The following OTUD7A variants were observed in gnomAD, a reference collection of about 807,000 sequenced individuals.
OTUD7A encodes the protein OTU deubiquitinase 7A, also known as OTU domain-containing protein 7A.
A neutral mutation model predicts 65.7 loss-of-function variants in OTUD7A; 12 were observed. The observed-to-expected ratio is 0.18, with a 90% CI of 0.12 to 0.30. The LOEUF (loss-of-function observed/expected upper bound fraction) is 0.30. Among genes scored for constraint, OTUD7A ranks in the 10% least tolerant of loss-of-function variants. The probability of loss-of-function intolerance (pLI) is 1.00; values close to 1 mark genes in which losing one functional copy is unlikely to be tolerated. For missense variants in OTUD7A, 1,148 were observed against 1,304.8 expected, an observed-to-expected ratio of 0.88 and a Z score of 1.85; for synonymous variants, 641 against 586.3, an observed-to-expected ratio of 1.09 and a Z score of -1.35.
At chr15:31,783,409 G>A (rs1484878485) in intron 1 of OTUD7A, among the ~76,000 whole-genome samples, 6 of 152,182 alleles carry the variant, frequency 3.9e-5, no homozygotes, top group East Asian at 1.9e-4. Flanking sequence ...TTTTCGCTGT[G>A]TTGACATTCA....
At chr15:31,674,788 C>T (rs1595701626) in intron 1 of OTUD7A, among the ~76,000 whole-genome samples, 1 of 152,154 alleles carries the variant, frequency 6.6e-6, no homozygotes, top group East Asian at 1.9e-4. Flanking sequence ...TGCCTTTTTC[C>T]CCTTCTTTCT....
intron 1 of OTUD7A, among the ~76,000 whole-genome samples, chr15:31,712,388 GCTCTCCTGGGAGC>G (rs1416549908): frequency 6.7e-6 from 1 of 148,758 alleles, no homozygotes; most frequent in Non-Finnish European, 1.5e-5. Context: ...AGGCTCAGCT[GCTCTCCTGGGAGC>G]CTCTTTGGAG....
rs763451500 is a variant in OTUD7A at position 31,526,435 on chromosome 15, C to T, written c.807G>A (p.Glu269=). The part of the protein sequence containing the change: ...KESGLVYTEE[E]WEREWTELLK... ...GCAGCTCCGTCCACTCCCGCTCCCA[C>T]TCCTCCTCTGTGTACACCAGCCCTG... The change falls in exon 8 of 13, where the codon GAG becomes GAA. Residue 269 remains glutamate (E), a synonymous_variant. Transcript: ENST00000307050. 6 of 1,601,636 alleles carry T rather than the reference C, an allele frequency of 3.7e-6. No individual in the cohort carries two copies. The South Asian group carries it at 4.4e-5, about 12-fold the overall frequency.
rs117705886 is a variant in OTUD7A at position 31,841,987 on chromosome 15, T to C, written c.-100+28520A>G. On this transcript the variant is annotated intron_variant, in intron 1 of 12. Transcript: ENST00000307050. Reference sequence around the variant, plus strand: ...CTCTAGAATGTCCAAAGCCATACTGTTCATAATAGCCCAAACTGGCGACCA... The same window carrying C: ...CTCTAGAATGTCCAAAGCCATACTGCTCATAATAGCCCAAACTGGCGACCA... Among the ~76,000 whole-genome samples the C allele has an allele frequency of 1.3e-4, 20 of 152,334 alleles. No homozygotes were observed. In the East Asian group the frequency reaches 3.9e-3, roughly 29 times the overall value.
chr15:31,748,736 A>G (rs1894547578), intron 1 of OTUD7A, among the ~76,000 whole-genome samples: 1 of 152,184 alleles, frequency 6.6e-6, no homozygotes, highest in African/African-American at 2.4e-5. Flanking sequence ...TACTCAATGG[A>G]AATACATAGA....
intron 1 of OTUD7A, among the ~76,000 whole-genome samples, chr15:31,694,419 G>C (rs112241138): frequency 2.0e-5 from 3 of 151,866 alleles, no homozygotes; most frequent in Non-Finnish European, 4.4e-5. Context: ...CCTTCCCCCG[G>C]GAAACCTTTG....
chr15:31,836,257 G>A (rs1412969629), intron 1 of OTUD7A, among the ~76,000 whole-genome samples: 3 of 152,252 alleles, frequency 2.0e-5, no homozygotes, highest in Admixed American at 1.3e-4. Context: ...CTCTAATGCA[G>A]AATTGTGGTG....
intron 1 of OTUD7A, among the ~76,000 whole-genome samples, chr15:31,707,944 T>C (rs1289154604): frequency 5.3e-5 from 8 of 152,072 alleles, no homozygotes; most frequent in Non-Finnish European, 1.0e-4. Context: ...ATATAATATA[T>C]ACAAAGTAAA....
chr15:31,507,395 G>C (rs564795034), intron 8 of OTUD7A, among the ~76,000 whole-genome samples: 2 of 152,086 alleles, frequency 1.3e-5, no homozygotes, highest in Non-Finnish European at 2.9e-5. Flanking sequence ...TTGCTCTTGA[G>C]TAATTTAAAG....
chr15:31,523,957 A>G (rs879438282), intron 8 of OTUD7A, among the ~76,000 whole-genome samples: 4 of 152,184 alleles, frequency 2.6e-5, no homozygotes, highest in Non-Finnish European at 5.9e-5. Context: ...CCGTTACCCC[A>G]GTCCATGGGA....
intron 1 of OTUD7A, among the ~76,000 whole-genome samples, chr15:31,794,709 G>GC (rs1042342862): frequency 1.3e-5 from 2 of 150,984 alleles, no homozygotes; most frequent in African/African-American, 4.9e-5. Flanking sequence ...CATCCACCTC[G>GC]CCCCCCAGCC....
chr15:31,790,278 A>G (rs1895780772), intron 1 of OTUD7A, among the ~76,000 whole-genome samples: 1 of 141,962 alleles, frequency 7.0e-6, no homozygotes, highest in South Asian at 2.2e-4. Context: ...GGGGCTGGGG[A>G]GGCCCCAAGA....
chr15:31,748,032 A>T (rs1351537221), intron 1 of OTUD7A, among the ~76,000 whole-genome samples: 2 of 152,340 alleles, frequency 1.3e-5, no homozygotes, highest in East Asian at 3.9e-4. Context: ...CCAGATTAAA[A>T]GAGACTAAGA....
At chr15:31,619,149 C>T (rs1376889808) in intron 3 of OTUD7A, among the ~76,000 whole-genome samples, 1 of 152,174 alleles carries the variant, frequency 6.6e-6, no homozygotes, top group African/African-American at 2.4e-5. Flanking sequence ...TGTTTTGGTA[C>T]CAGTACCATG....
chr15:31,673,742 C>T (rs188891954), intron 1 of OTUD7A, among the ~76,000 whole-genome samples: 9 of 152,268 alleles, frequency 5.9e-5, no homozygotes, highest in African/African-American at 1.9e-4. Flanking sequence ...GGTAAAGGCA[C>T]CTTATTTTCA....
intron 1 of OTUD7A, among the ~76,000 whole-genome samples, chr15:31,804,722 T>TG (rs1224966180): frequency 6.6e-6 from 1 of 152,132 alleles, no homozygotes; most frequent in Admixed American, 6.5e-5. Context: ...GCTGTCATCA[T>TG]GGGGGTTCCA....
In OTUD7A at chr15:31,498,344, G is replaced by C. The variant is rs923054957; in HGVS notation, c.1171+3346C>G. On this transcript the variant is annotated intron_variant, in intron 10 of 12. Transcript: ENST00000307050. The surrounding 1 kb of genome is among the most constrained non-coding windows in gnomAD (Gnocchi z 4.2). ...GTTTCCTTTGATTTCTCCTGATGTG[G>C]GGGTACTAAATGGACTTTATTCCAA... Among the ~76,000 whole-genome samples, 1 of 152,154 alleles carries C rather than the reference G, an allele frequency of 6.6e-6. No homozygotes were observed. The highest frequency in any genetic ancestry group is 2.4e-5 in the African/African-American group (1 of 41,430).
intron 1 of OTUD7A, among the ~76,000 whole-genome samples, chr15:31,802,043 T>G (rs1896138385): frequency 6.6e-6 from 1 of 151,722 alleles, no homozygotes; most frequent in Admixed American, 6.6e-5. Flanking sequence ...AAAAATAAGG[T>G]GTATTAGTTA....
chr15:31,535,280 G>A (rs1207145357), intron 5 of OTUD7A, among the ~76,000 whole-genome samples: 1 of 152,078 alleles, frequency 6.6e-6, no homozygotes. Flanking sequence ...GAGATCTGAT[G>A]GTTTTAAAAG....
Sources: gnomAD v4.1 joint callset for allele counts (sites outside exome capture counted in the v4.1 genomes callset) on GRCh38, gnomAD v4.1.1 for gene constraint, Gnocchi (gnomAD v3.1) non-coding constraint, MANE v1.5 for transcripts, NCBI Gene and HGNC (gene_info 2026-07-23, HGNC 2026-07-21) for gene names.